UFL1: variants seen among roughly 807,000 people sequenced by gnomAD.
UFL1 encodes E3 UFM1-protein ligase 1.
In UFL1, 78 loss-of-function variants were observed where a neutral mutation model predicts 99.3. That is an observed-to-expected ratio of 0.79 (90% CI 0.65 to 0.95). The LOEUF is 0.95. Ranked by LOEUF, UFL1 falls within the 40% of genes least tolerant of loss-of-function variation. UFL1 has a pLI of 0.00. For missense variants in UFL1, 936 were observed against 937.0 expected, an observed-to-expected ratio of 1.00 and a Z score of 0.01; for synonymous variants, 335 against 322.2, an observed-to-expected ratio of 1.04 and a Z score of -0.42.
intron 7 of UFL1, among the ~76,000 whole-genome samples, 157 bp downstream of exon 7, chr6:96,534,478 AC>A (rs1454787189): frequency 2.6e-5 from 4 of 151,666 alleles, no homozygotes; most frequent in African/African-American, 9.7e-5. Flanking sequence ...TTATATATGT[AC>A]CTATCTGTTA....
At chr6:96,542,847 A>G in intron 11 of UFL1, 47 bp from the exon 12 acceptor site, 1 of 1,483,384 alleles carries the variant, frequency 6.7e-7, no homozygotes, top group Non-Finnish European at 8.9e-7. Flanking sequence ...TTTTATAAAA[A>G]TGATGATTTA....
In UFL1 at chr6:96,553,461, C is replaced by A. The variant is rs1289190285; in HGVS notation, c.2343C>A (p.Asp781Glu). Reference sequence around the variant, plus strand: ...AAGAACTTTCTTCATCCATTAAAGACCTTGTTCTCAAATCTAGGAAATCAT... The same window carrying A: ...AAGAACTTTCTTCATCCATTAAAGAACTTGTTCTCAAATCTAGGAAATCAT... ...ELQELSSSIKDLVLKSRKSSV... is the reference protein window; with the variant it reads ...ELQELSSSIKELVLKSRKSSV... The change falls in exon 19 of 19, where the codon GAC becomes GAA. Residue 781 changes from aspartate to glutamate, a missense_variant. Asp to Glu is a conservative substitution (Grantham distance 45, BLOSUM62 2). Coordinates refer to ENST00000369278, the MANE Select transcript of UFL1 (RefSeq NM_015323.5). 2 of 1,613,590 alleles carry A rather than the reference C, an allele frequency of 1.2e-6. No homozygotes were observed. Among genetic ancestry groups the A allele is most frequent in the Admixed American group, 3.3e-5 (2 of 59,974 alleles).
Position 96,523,143 on chromosome 6 carries a change from C to T in UFL1, c.78-3C>T. On this transcript the variant is annotated splice_region_variant and splice_polypyrimidine_tract_variant and intron_variant, in intron 1 of 18. Transcript: ENST00000369278. ...TTGAAACAACTTTTTTTCTTTCCCTCAGGTTGTCCGAGCGGAACTGCATTG... is the reference window on the plus strand; with the variant it reads ...TTGAAACAACTTTTTTTCTTTCCCTTAGGTTGTCCGAGCGGAACTGCATTG... 1.3e-6 allele frequency: 2 copies of T among 1,596,628 alleles called. No homozygotes were observed. Among genetic ancestry groups the T allele is most frequent in the South Asian group, 1.2e-5 (1 of 86,820 alleles).
In UFL1 at chr6:96,534,467, T is replaced by A. The variant is rs1056869608; in HGVS notation, c.655+146T>A. ...TTAAAAAAGTTTCTTTGTATCAAGTTTTATATATGTACCTATCTGTTACAC... is the reference window on the plus strand; with the variant it reads ...TTAAAAAAGTTTCTTTGTATCAAGTATTATATATGTACCTATCTGTTACAC... On this transcript the variant is annotated intron_variant, in intron 7 of 18. Coordinates refer to ENST00000369278, the MANE Select transcript of UFL1 (RefSeq NM_015323.5). The A allele has an allele frequency of 9.9e-6, 6 of 603,880 alleles. No individual in the cohort carries two copies. The Admixed American group carries it at 1.8e-4, about 18-fold the overall frequency. The allele number at this position is 603,880 out of a possible 1,614,324, so 37.4% of individuals were successfully genotyped here.
At chr6:96,525,149 C>A in intron 3 of UFL1, 148 bp from the exon 4 acceptor site, 1 of 566,082 alleles carries the variant, frequency 1.8e-6, no homozygotes. Flanking sequence ...GGGATCCTCC[C>A]GCCTCATCCT....
intron 8 of UFL1, 83 bp from the exon 9 acceptor site, chr6:96,537,291 G>T (rs149852517): frequency 1.0e-5 from 13 of 1,248,298 alleles, no homozygotes; most frequent in Middle Eastern, 2.3e-4. Context: ...AACTTTATTG[G>T]CTATAACTTT....
At chr6:96,541,198 G>GT (rs749594922) in intron 11 of UFL1, among the ~76,000 whole-genome samples, 45 of 151,334 alleles carry the variant, frequency 3.0e-4, no homozygotes, top group Non-Finnish European at 5.9e-4. Flanking sequence ...ACCATGATGT[G>GT]TTTTATTGTT....
chr6:96,525,190 C>T, intron 3 of UFL1, 107 bp from the exon 4 acceptor site: 2 of 830,556 alleles, frequency 2.4e-6, no homozygotes. Context: ...GCATGAGCCA[C>T]CATGCCTGGC....
At chr6:96,550,811 T>TG (rs1326038190) in intron 15 of UFL1, among the ~76,000 whole-genome samples, 1 of 151,946 alleles carries the variant, frequency 6.6e-6, no homozygotes, top group African/African-American at 2.4e-5. Context: ...GGTGTGGGAT[T>TG]GGGGCAGAGA....
At chr6:96,529,488 C>G (rs1769750956) in intron 6 of UFL1, among the ~76,000 whole-genome samples, 1 of 152,198 alleles carries the variant, frequency 6.6e-6, no homozygotes, top group Admixed American at 6.5e-5. Flanking sequence ...GTCTCATTAT[C>G]TGTAAGTCTA....
rs1006638335 is a variant in UFL1 at position 96,542,897 on chromosome 6, G to C, written c.1283G>C (p.Gly428Ala). ...ACTAATGTCATTTTCCCACCAGAGGGCAGTGGAAGCATGAGAGGAGGAGGT... is the reference window on the plus strand; with the variant it reads ...ACTAATGTCATTTTCCCACCAGAGGCCAGTGGAAGCATGAGAGGAGGAGGT... Reference protein sequence around the residue: ...KDERRRKATEGSGSMRGGGGG... With the variant: ...KDERRRKATEASGSMRGGGGG... The change falls in exon 12 of 19, where the codon GGC (glycine) becomes GCC (alanine). Residue 428 changes from glycine (G) to alanine (A), a missense_variant. Gly to Ala is a moderately conservative substitution (Grantham distance 60, BLOSUM62 0). Coordinates refer to ENST00000369278, the MANE Select transcript of UFL1 (RefSeq NM_015323.5). The C allele has an allele frequency of 2.5e-6, 4 of 1,576,634 alleles. No homozygotes were observed. In the African/African-American group the frequency reaches 5.5e-5, roughly 22 times the overall value.
At chr6:96,536,996 T>TAC (rs2127951042) in intron 8 of UFL1, among the ~76,000 whole-genome samples, 1 of 151,562 alleles carries the variant, frequency 6.6e-6, no homozygotes, top group South Asian at 2.1e-4. Flanking sequence ...AAGATATATA[T>TAC]ACACACATAT....
At chr6:96,528,965 A>C (rs1387909169) in intron 6 of UFL1, among the ~76,000 whole-genome samples, 6 of 152,202 alleles carry the variant, frequency 3.9e-5, no homozygotes, top group South Asian at 2.1e-4. Flanking sequence ...ATGCAATTTA[A>C]AGTCAGAAGA....
At chr6:96,545,987 C>T (rs1055265698) in intron 12 of UFL1, among the ~76,000 whole-genome samples, 4 of 151,122 alleles carry the variant, frequency 2.6e-5, no homozygotes, top group Non-Finnish European at 5.9e-5. Flanking sequence ...TCTCACCACT[C>T]CTATTCAACG....
chr6:96,544,317 T>C (rs1769971585), intron 12 of UFL1, among the ~76,000 whole-genome samples: 1 of 150,890 alleles, frequency 6.6e-6, no homozygotes, highest in Admixed American at 6.6e-5. Flanking sequence ...ATTAAAATTA[T>C]GATATTTTTA....
In UFL1 at chr6:96,533,663, A is replaced by C. The variant is rs1449772501; in HGVS notation, c.597-600A>C. 2.0e-5 allele frequency among the ~76,000 whole-genome samples: 3 copies of C among 151,974 alleles called. No homozygotes were observed. In the East Asian group the frequency reaches 5.8e-4, roughly 29 times the overall value. On this transcript the variant is annotated intron_variant, in intron 6 of 18. Coordinates refer to ENST00000369278, the MANE Select transcript of UFL1 (RefSeq NM_015323.5). ...GTAGCAATGGTTGCACAACTCTATA[A>C]ATGTATTAAGATCATTGAATTGTAC...
At chr6:96,545,559 A>C (rs1267365513) in intron 12 of UFL1, among the ~76,000 whole-genome samples, 1 of 150,934 alleles carries the variant, frequency 6.6e-6, no homozygotes, top group Non-Finnish European at 1.5e-5. Context: ...CTTTCCAAAG[A>C]TCTTATTTAG....
chr6:96,530,254 G>T (rs912523779), intron 6 of UFL1, among the ~76,000 whole-genome samples: 1 of 152,132 alleles, frequency 6.6e-6, no homozygotes, highest in Admixed American at 6.5e-5. Flanking sequence ...AATGTTCATT[G>T]TTGGTTGTCT....
At chr6:96,529,024 T>G (rs1017167053) in intron 6 of UFL1, among the ~76,000 whole-genome samples, 6 of 152,244 alleles carry the variant, frequency 3.9e-5, no homozygotes, top group African/African-American at 1.4e-4. Flanking sequence ...CTTGAGCAGA[T>G]AAGTCAGTCA....
Sources: allele counts gnomAD v4.1 joint callset (sites outside exome capture counted in the v4.1 genomes callset), GRCh38; gene constraint gnomAD v4.1.1; transcripts MANE v1.5; gene names NCBI Gene and HGNC (gene_info 2026-07-23, HGNC 2026-07-21).